The following IFFO2 variants were observed in gnomAD, a reference collection of about 807,000 sequenced individuals.
The protein encoded by IFFO2 is intermediate filament family orphan 2.
In IFFO2, 19 loss-of-function variants were observed where a neutral mutation model predicts 53.5. The ratio of observed to expected loss-of-function variants is 0.36; its 90% CI spans 0.25 to 0.52. IFFO2 has a LOEUF of 0.52. Ranked by LOEUF, IFFO2 falls within the 20% of genes least tolerant of loss-of-function variation. The pLI is 0.94. For missense variants in IFFO2, 570 were observed against 727.4 expected, an observed-to-expected ratio of 0.78 and a Z score of 2.49; for synonymous variants, 303 against 313.6, an observed-to-expected ratio of 0.97 and a Z score of 0.36.
rs1936608742 is a variant in IFFO2 at position 18,947,735 on chromosome 1, T to TTCATA, written c.665+7932_665+7933insTATGA. ...GGCCTGCTACAGTGGCCCGGGAGCC[T>TTCATA]CATCTGCCTGCTACTGCCAGTGATT... On this transcript the variant is annotated intron_variant, in intron 1 of 8. Coordinates refer to ENST00000455833, the MANE Select transcript of IFFO2 (RefSeq NM_001136265.2). This position sits in a 1 kb window ranked among gnomAD's most constrained non-coding sequence, Gnocchi z 5.0. 2.0e-5 allele frequency among the ~76,000 whole-genome samples: 3 copies of TTCATA among 152,250 alleles called. No individual in the cohort carries two copies. The highest frequency in any genetic ancestry group is 2.9e-5 in the Non-Finnish European group (2 of 68,046).
At position 18,916,048 on chromosome 1, in the gene IFFO2, C is replaced by T. The variant is rs1207126310; in HGVS notation, c.1103+855G>A. On this transcript the variant is annotated intron_variant, in intron 5 of 8. Transcript: ENST00000455833. This position sits in a 1 kb window ranked among gnomAD's most constrained non-coding sequence, Gnocchi z 4.3. ...GCTGAGGCAGGAGAAACACTGGAAC[C>T]CGGGAGGCAGAGGTTGCAGTGAGCC... Among the ~76,000 whole-genome samples, 2 of 151,974 alleles carry T rather than the reference C, an allele frequency of 1.3e-5. No individual in the cohort carries two copies. Among genetic ancestry groups the T allele is most frequent in the African/African-American group, 2.4e-5 (1 of 41,370 alleles).
chr1:18,922,971 T>C (rs975280904), intron 1 of IFFO2, among the ~76,000 whole-genome samples: 1 of 151,552 alleles, frequency 6.6e-6, no homozygotes, highest in African/African-American at 2.4e-5. Flanking sequence ...GCACAGGGCA[T>C]CTGGGGCTTC....
Position 18,956,364 on chromosome 1 carries a change from C to G in IFFO2, c.-32G>C. 1 of 225,368 alleles carries G rather than the reference C, an allele frequency of 4.4e-6. No homozygotes were observed. Among genetic ancestry groups the G allele is most frequent in the South Asian group, 1.3e-4 (1 of 7,664 alleles). 14.0% of individuals were successfully genotyped at this position (225,368 alleles called of 1,614,324 possible). ...GCTGCGCGGCTCAGGGCCCCGGGCCCGCGGCTCCAGGTGCGGCTCCAGCTC... is the reference window on the plus strand; with the variant it reads ...GCTGCGCGGCTCAGGGCCCCGGGCCGGCGGCTCCAGGTGCGGCTCCAGCTC... On this transcript the variant is annotated 5_prime_UTR_variant, in exon 1 of 9. Transcript: ENST00000455833. This position sits in a 1 kb window ranked among gnomAD's most constrained non-coding sequence, Gnocchi z 6.4.
chr1:18,911,133 G>GATC (rs111890166), intron 7 of IFFO2, among the ~76,000 whole-genome samples: 19,985 of 152,196 alleles, frequency 0.13, 1,755 homozygotes, highest in African/African-American at 0.24. Flanking sequence ...GTTATTATGG[G>GATC]ATCATCTCAG....
At chr1:18,910,738 C>A (rs553908464) in intron 7 of IFFO2, among the ~76,000 whole-genome samples, 1 of 152,236 alleles carries the variant, frequency 6.6e-6, no homozygotes, top group Non-Finnish European at 1.5e-5. Context: ...GCACCCCACC[C>A]GGTTCTGAGA....
rs1375159075 is a variant in IFFO2, at chr1:18,908,653, G to C, written c.1462C>G (p.Pro488Ala). 6.4e-7 allele frequency: 1 copy of C among 1,551,452 alleles called. No individual in the cohort carries two copies. The highest frequency in any genetic ancestry group is 1.4e-5 in the African/African-American group (1 of 73,166). Reference sequence around the variant, plus strand: ...GAGTCGCTGCTGGCCACGGAGCTGGGGGACGGTGAATTCCTGAGAAGCACA... The same window carrying C: ...GAGTCGCTGCTGGCCACGGAGCTGGCGGACGGTGAATTCCTGAGAAGCACA... ...KGSADRNSPS[P>A]SSVASSDSGS... The change falls in exon 9 of 9, where the codon CCC becomes GCC. Residue 488 changes from proline (P) to alanine (A), a missense_variant. By Grantham distance (27) the Pro-to-Ala change is conservative (BLOSUM62 -1). Transcript: ENST00000455833.
At chr1:18,921,354 G>C (rs113839521) in intron 1 of IFFO2, among the ~76,000 whole-genome samples, 104 of 152,324 alleles carry the variant, frequency 6.8e-4, no homozygotes, top group African/African-American at 2.4e-3. Context: ...CAAGTGCCAC[G>C]TTAAGGTATG....
intron 1 of IFFO2, among the ~76,000 whole-genome samples, chr1:18,923,371 G>A (rs1936240729): frequency 6.6e-6 from 1 of 152,196 alleles, no homozygotes; most frequent in African/African-American, 2.4e-5. Flanking sequence ...TGTACAGACG[G>A]AGAAAACGAG....
rs552478500 is a variant in IFFO2, at chr1:18,954,435, C to T, written c.665+1233G>A. ...AATCCTACCCAGTTGCTAGCCTGTC[C>T]AATGGGAGAATACGGAAGGAGACCT... On this transcript the variant is annotated intron_variant, in intron 1 of 8. Transcript: ENST00000455833. Among the ~76,000 whole-genome samples the T allele has an allele frequency of 3.9e-5, 6 of 152,340 alleles. 1 individual carries two copies. The South Asian group carries it at 8.3e-4, about 21-fold the overall frequency.
chr1:18,915,262 G>T (rs1557639347), intron 5 of IFFO2, among the ~76,000 whole-genome samples: 1 of 152,196 alleles, frequency 6.6e-6, no homozygotes, highest in Non-Finnish European at 1.5e-5. Context: ...CTGCAGGGAG[G>T]TTAGGAGAGC....
chr1:18,923,952 T>TTG (rs970664451), intron 1 of IFFO2, among the ~76,000 whole-genome samples: 9 of 152,124 alleles, frequency 5.9e-5, no homozygotes, highest in African/African-American at 2.2e-4. Flanking sequence ...TGACTGCACA[T>TTG]ACCACACCCC....
chr1:18,930,695 G>T (rs1218114637), intron 1 of IFFO2, among the ~76,000 whole-genome samples: 4 of 152,186 alleles, frequency 2.6e-5, no homozygotes, highest in African/African-American at 9.7e-5. Context: ...GCATTTAAGG[G>T]TATTCACCCA....
At chr1:18,939,925 G>A (rs1346455348) in intron 1 of IFFO2, among the ~76,000 whole-genome samples, 1 of 152,224 alleles carries the variant, frequency 6.6e-6, no homozygotes, top group South Asian at 2.1e-4. Flanking sequence ...ATTTGCAGTG[G>A]TCCTAGCCCC....
intron 1 of IFFO2, among the ~76,000 whole-genome samples, chr1:18,944,623 C>G (rs920022885): frequency 1.6e-4 from 25 of 152,344 alleles, no homozygotes; most frequent in African/African-American, 5.8e-4. Context: ...GGGCCCGCCA[C>G]AGGCAGGGCA....
chr1:18,943,432 G>A (rs1269301091), intron 1 of IFFO2, among the ~76,000 whole-genome samples: 4 of 152,118 alleles, frequency 2.6e-5, no homozygotes. Flanking sequence ...AGTACTATTT[G>A]TCAGGCCACA....
chr1:18,913,925 G>A lies in IFFO2; in HGVS notation c.1104-1842C>T, dbSNP rs1273690382. Among the ~76,000 whole-genome samples the A allele has an allele frequency of 4.2e-3, 639 of 151,190 alleles. 2 individuals carry two copies. The highest frequency in any genetic ancestry group is 5.8e-3 in the Non-Finnish European group (394 of 67,872). On this transcript the variant is annotated intron_variant, in intron 5 of 8. Coordinates refer to ENST00000455833, the MANE Select transcript of IFFO2 (RefSeq NM_001136265.2). The stretch of plus-strand genomic sequence containing the variant: ...GGCTCACTGCAGGCTCCGCCCCCTG[G>A]GGTTCACGCCATTCTCCTGCCTCAG...
At chr1:18,944,663 T>G (rs1936563772) in intron 1 of IFFO2, among the ~76,000 whole-genome samples, 2 of 152,014 alleles carry the variant, frequency 1.3e-5, no homozygotes, top group African/African-American at 4.8e-5. Flanking sequence ...ATCCAGAGGC[T>G]CCAGACCTGT....
At position 18,918,436 on chromosome 1, in the gene IFFO2, G is replaced by A. The variant is rs370370986; in HGVS notation, c.889C>T (p.Arg297Ter). The change falls in exon 4 of 9, where the codon CGA (arginine) becomes TGA (stop). Residue 297 changes from arginine (R) to a stop codon, truncating the protein, a stop_gained. Transcript: ENST00000455833. LOFTEE classifies it high-confidence loss of function. This position sits in a 1 kb window ranked among gnomAD's most constrained non-coding sequence, Gnocchi z 5.2. ...CACAGCTTGGCCGTGATATCGATTC[G>A]GCGGCAGATGTCCATGTCCACCTTC... is the stretch of plus-strand genomic sequence containing the variant. ...AMKVDMDICR[R>*]IDITAKLCDV... 7.7e-6 allele frequency: 12 copies of A among 1,561,284 alleles called. No individual in the cohort carries two copies. Among genetic ancestry groups the A allele is most frequent in the Non-Finnish European group, 9.5e-6 (11 of 1,152,358 alleles).
intron 2 of IFFO2, among the ~76,000 whole-genome samples, chr1:18,920,054 A>G (rs905431773): frequency 7.9e-5 from 12 of 152,258 alleles, no homozygotes; most frequent in African/African-American, 2.9e-4. Flanking sequence ...CGTTAAAAAT[A>G]TGAGATCAAT....
Sources: gnomAD v4.1 joint callset for allele counts (sites outside exome capture counted in the v4.1 genomes callset) on GRCh38, gnomAD v4.1.1 for gene constraint, Gnocchi (gnomAD v3.1) non-coding constraint, MANE v1.5 for transcripts, NCBI Gene and HGNC (gene_info 2026-07-23, HGNC 2026-07-21) for gene names.